Variants in UBE3A observed in about 807,000 individuals in gnomAD.
UBE3A encodes ubiquitin protein ligase E3A, also known as ubiquitin-protein ligase E3A.
Under a neutral mutation model 83.4 loss-of-function variants are expected in UBE3A, and 6 were observed. The observed-to-expected ratio is 0.07, with a 90% confidence interval of 0.04 to 0.14. UBE3A has a LOEUF of 0.14. Among genes scored for constraint, UBE3A ranks in the 10% least tolerant of loss-of-function variants. UBE3A has a pLI of 1.00. For missense variants in UBE3A, 456 were observed against 1,036.1 expected (o/e 0.44, Z 7.69); for synonymous variants, 337 against 355.4 (o/e 0.95, Z 0.58).
At chr15:25,355,080 A>G (rs2077042876) in intron 9 of UBE3A, among the ~76,000 whole-genome samples, 1 of 152,180 alleles carries the variant, frequency 6.6e-6, no homozygotes, top group Non-Finnish European at 1.5e-5. Context: ...GACGCAGAAA[A>G]TTCTTTAGGT....
intron 11 of UBE3A, among the ~76,000 whole-genome samples, chr15:25,353,544 T>G (rs932665898): frequency 2.0e-5 from 3 of 152,182 alleles, no homozygotes; most frequent in Admixed American, 1.3e-4. Flanking sequence ...AGAGGGCCCA[T>G]GAAGTTCACA....
intron 6 of UBE3A, among the ~76,000 whole-genome samples, chr15:25,368,353 G>C (rs1267339374): frequency 6.6e-6 from 1 of 151,870 alleles, no homozygotes; most frequent in African/African-American, 2.4e-5. Flanking sequence ...TTCGATGCTG[G>C]TTTTTCTAGT....
chr15:25,356,727 T>C lies in UBE3A; in HGVS notation c.1923A>G (p.Lys641=). Residue 641 remains lysine, a synonymous_variant, in exon 8 of 13, where the codon AAA becomes AAG. Transcript: ENST00000648336. ...PMVVYRKLMG[K]KGTFRDLGDS... ...CTCCCAAGTCACGAAAAGTTCCTTTTTTCCCCATTAGCTTCCTGTAGACAA... is the reference window on the plus strand; with the variant it reads ...CTCCCAAGTCACGAAAAGTTCCTTTCTTCCCCATTAGCTTCCTGTAGACAA... 6.2e-7 allele frequency: 1 copy of C among 1,613,600 alleles called. No individual in the cohort carries two copies. The highest frequency in any genetic ancestry group is 1.7e-4 in the Middle Eastern group (1 of 5,860).
At position 25,364,641 on chromosome 15, in the gene UBE3A, G is replaced by GT. The variant is rs1260418313; in HGVS notation, c.1609-4115dup. 8.2e-3 allele frequency among the ~76,000 whole-genome samples: 1,080 copies of GT among 132,432 alleles called. 37 individuals are homozygous for GT. Among genetic ancestry groups the GT allele is most frequent in the African/African-American group, 0.028 (921 of 32,414 alleles). The allele number at this position is 132,432 out of a possible 152,430, so 86.9% of individuals were successfully genotyped here. ...CACGTGGATTTTTAGGGTTTTTTTT[G>GT]TTTGTTTTTTTTTTTTTTTTGAGAC... On this transcript the variant is annotated intron_variant, in intron 6 of 12. Transcript: ENST00000648336.
At chr15:25,377,498 A>C (rs937526269) in intron 4 of UBE3A, among the ~76,000 whole-genome samples, 1 of 152,330 alleles carries the variant, frequency 6.6e-6, no homozygotes, top group Admixed American at 6.5e-5. Context: ...TATGAAAGTG[A>C]AAACATGTAA....
At position 25,409,727 on chromosome 15, in the gene UBE3A, T is replaced by G. The variant is rs533131807; in HGVS notation, c.-100-520A>C. ...ATGAGTAAAGATTCAGAACACAGAT[T>G]GAGATCTTTCAAATACGGACAAATT... is the stretch of plus-strand genomic sequence containing the variant. On this transcript the variant is annotated intron_variant, in intron 2 of 12. Coordinates refer to ENST00000648336, the MANE Select transcript of UBE3A (RefSeq NM_130839.5). 1.7e-3 allele frequency among the ~76,000 whole-genome samples: 255 copies of G among 152,266 alleles called. 2 individuals are homozygous for G. Among genetic ancestry groups the G allele is most frequent in the Non-Finnish European group, 5.6e-4 (38 of 68,018 alleles).
chr15:25,335,218 G>A lies in UBE3A; in HGVS notation c.*3919C>T, dbSNP rs2073905370. On this transcript the variant is annotated 3_prime_UTR_variant, in exon 13 of 13. Coordinates refer to ENST00000648336, the MANE Select transcript of UBE3A (RefSeq NM_130839.5). ...CCACGGAAGCATTGGAGGCACTTTG[G>A]GGGTTGATGAAGTCTTCATGGATGA... 1 of 152,176 alleles carries A rather than the reference G, an allele frequency of 6.6e-6. No individual in the cohort carries two copies. The highest frequency in any genetic ancestry group is 1.5e-5 in the Non-Finnish European group (1 of 68,048). The allele number at this position is 152,176 out of a possible 1,614,324, so 9.4% of individuals were successfully genotyped here. A position where few individuals can be genotyped will look rare whatever the true frequency, so the allele number is the denominator to read the frequency against.
At chr15:25,407,088 G>A (rs1249497236) in intron 3 of UBE3A, 3 of 1,350,456 alleles carry the variant, frequency 2.2e-6, no homozygotes, top group Non-Finnish European at 2.9e-6. Context: ...CAGCCTTGTG[G>A]GTAAGTACCC....
At chr15:25,388,017 T>C (rs957306855) in intron 4 of UBE3A, among the ~76,000 whole-genome samples, 9 of 152,214 alleles carry the variant, frequency 5.9e-5, no homozygotes, top group Non-Finnish European at 1.3e-4. Context: ...GATTCTCTGA[T>C]GAATTCTACT....
At chr15:25,367,240 T>TAAATATTTACATATTTGTAAATATGC (rs1566941525) in intron 6 of UBE3A, among the ~76,000 whole-genome samples, 13 of 78,452 alleles carry the variant, frequency 1.7e-4, no homozygotes, top group South Asian at 1.2e-3. Flanking sequence ...TGTAAATATG[T>TAAATATTTACATATTTGTAAATATGC]AAATATTTGC....
At position 25,370,473 on chromosome 15, in the gene UBE3A, G is replaced by A. The variant is rs1233940435; in HGVS notation, c.1608+93C>T. On this transcript the variant is annotated intron_variant, in intron 6 of 12. Coordinates refer to ENST00000648336, the MANE Select transcript of UBE3A (RefSeq NM_130839.5). The surrounding 1 kb of genome is among the most constrained non-coding windows in gnomAD (Gnocchi z 4.2). ...TGTCCATGTGTTCCTATGCTATATG[G>A]TATCATTTTTTTCAGTCACTTTTAA... 5.6e-6 allele frequency: 8 copies of A among 1,420,404 alleles called. No homozygotes were observed. In the Admixed American group the frequency reaches 1.3e-4, roughly 24 times the overall value. The allele number at this position is 1,420,404 out of a possible 1,614,324, so 88.0% of individuals were successfully genotyped here. A position where few individuals can be genotyped will look rare whatever the true frequency, so the allele number is the denominator to read the frequency against.
chr15:25,400,072 C>G (rs1194897364), intron 4 of UBE3A, among the ~76,000 whole-genome samples: 5 of 152,260 alleles, frequency 3.3e-5, no homozygotes, highest in East Asian at 1.9e-4. Context: ...GAATTTTGAT[C>G]AGGATTGCAT....
At chr15:25,420,734 G>T (rs189951560) in intron 1 of UBE3A, 34 of 152,214 alleles carry the variant, frequency 2.2e-4, no homozygotes, top group Middle Eastern at 3.4e-3. Context: ...AGTCACTGTG[G>T]AAAACAGTAT....
At chr15:25,363,395 A>C (rs912089775) in intron 6 of UBE3A, among the ~76,000 whole-genome samples, 4 of 152,206 alleles carry the variant, frequency 2.6e-5, no homozygotes, top group Non-Finnish European at 5.9e-5. Flanking sequence ...CTACCATAGC[A>C]TTATAGAACA....
Position 25,370,729 on chromosome 15 carries a change from T to C in UBE3A, c.1445A>G (p.Asn482Ser), listed in dbSNP as rs56358697. The change falls in exon 6 of 13, where the codon AAT becomes AGT. Residue 482 changes from asparagine to serine, a missense_variant. By Grantham distance (46) the Asn-to-Ser change is conservative. Transcript: ENST00000648336. This position sits in a 1 kb window ranked among gnomAD's most constrained non-coding sequence, Gnocchi z 4.2. Reference protein sequence around the residue: ...FSFMTCPFILNAVTKNLGLYY... With the variant: ...FSFMTCPFILSAVTKNLGLYY... Reference sequence around the variant, plus strand: ...TAATCCCAAATTCTTTGTGACAGCATTCAATATAAAGGGACATGTCATAAA... The same window carrying C: ...TAATCCCAAATTCTTTGTGACAGCACTCAATATAAAGGGACATGTCATAAA... The C allele has an allele frequency of 1.2e-6, 2 of 1,614,122 alleles. No homozygotes were observed. The highest frequency in any genetic ancestry group is 1.7e-6 in the Non-Finnish European group (2 of 1,180,004).
chr15:25,429,302 A>G (rs1892354397), intron 1 of UBE3A, among the ~76,000 whole-genome samples: 1 of 152,196 alleles, frequency 6.6e-6, no homozygotes, highest in African/African-American at 2.4e-5. Flanking sequence ...AAGTGATTAT[A>G]TAACTGCATC....
At chr15:25,361,542 A>G (rs775291802) in intron 6 of UBE3A, among the ~76,000 whole-genome samples, 1 of 152,076 alleles carries the variant, frequency 6.6e-6, no homozygotes, top group Non-Finnish European at 1.5e-5. Context: ...CCTCATTGAG[A>G]TTAATCATAA....
intron 1 of UBE3A, among the ~76,000 whole-genome samples, chr15:25,429,712 A>G (rs1470684431): frequency 2.6e-5 from 4 of 151,912 alleles, no homozygotes. Flanking sequence ...CATTTTTTTA[A>G]GAATGTAATA....
At chr15:25,387,302 A>T (rs773006645) in intron 4 of UBE3A, among the ~76,000 whole-genome samples, 3 of 152,138 alleles carry the variant, frequency 2.0e-5, no homozygotes, top group Non-Finnish European at 4.4e-5. Flanking sequence ...CGGGTGGATC[A>T]CATGGTCAGG....
Sources: allele counts gnomAD v4.1 joint callset (sites outside exome capture counted in the v4.1 genomes callset), GRCh38; gene constraint gnomAD v4.1.1; non-coding constraint Gnocchi (gnomAD v3.1); transcripts MANE v1.5; gene names NCBI Gene and HGNC (gene_info 2026-07-23, HGNC 2026-07-21).